Variants in OPTN observed in about 807,000 individuals in gnomAD.
The protein encoded by OPTN is optineurin, also known as E3-14.7K-interacting protein.
Under a neutral mutation model 70.4 loss-of-function variants are expected in OPTN, and 54 were observed. The ratio of observed to expected loss-of-function variants is 0.77; its 90% CI spans 0.62 to 0.96. The LOEUF (loss-of-function observed/expected upper bound fraction) is 0.96, where lower values mean the gene tolerates loss of function less well. Ranked by LOEUF, OPTN falls within the 40% of genes least tolerant of loss-of-function variation. The pLI, the probability that OPTN is intolerant of heterozygous loss-of-function variation, is 0.00. For synonymous variants in OPTN, 256 were observed against 248.5 expected, an observed-to-expected ratio of 1.03 and a Z score of -0.28; for missense variants, 624 against 673.2, an observed-to-expected ratio of 0.93 and a Z score of 0.81.
At chr10:13,106,860 G>A (rs1588431460) in intron 1 of OPTN, among the ~76,000 whole-genome samples, 1 of 152,162 alleles carries the variant, frequency 6.6e-6, no homozygotes. Context: ...CTGATATCAT[G>A]TGTAATGGAT....
intron 5 of OPTN, among the ~76,000 whole-genome samples, chr10:13,115,029 T>TA (rs1564359193): frequency 1.8e-3 from 50 of 27,688 alleles, no homozygotes; most frequent in African/African-American, 5.0e-3. Flanking sequence ...ATATCTATAT[T>TA]TATATATTTT....
At chr10:13,125,763 G>A (rs1247981491) in intron 10 of OPTN, among the ~76,000 whole-genome samples, 183 bp from the exon 11 acceptor site, 1 of 152,136 alleles carries the variant, frequency 6.6e-6, no homozygotes, top group Admixed American at 6.5e-5. Flanking sequence ...CTGATTGTTT[G>A]CACTCTGTCT....
chr10:13,123,930 TA>T, intron 8 of OPTN, 64 bp from the exon 9 acceptor site: 3 of 1,209,022 alleles, frequency 2.5e-6, no homozygotes, highest in Middle Eastern at 1.9e-4. Context: ...TGTTTTCTCC[TA>T]AAGAGGTTTG....
intron 1 of OPTN, among the ~76,000 whole-genome samples, chr10:13,106,524 A>G (rs997049693): frequency 1.3e-4 from 20 of 152,210 alleles, no homozygotes; most frequent in African/African-American, 4.8e-4. Context: ...GATTGCCATC[A>G]CCCTCATTAC....
chr10:13,112,658 G>A, intron 5 of OPTN, 23 bp downstream of exon 5: 2 of 1,612,232 alleles, frequency 1.2e-6, no homozygotes, highest in Non-Finnish European at 1.7e-6. Context: ...TTTTATTTTT[G>A]TTTTGAGCAA....
chr10:13,101,448 T>C, intron 1 of OPTN, among the ~76,000 whole-genome samples: 1 of 112,576 alleles, frequency 8.9e-6, no homozygotes, highest in Non-Finnish European at 1.6e-5. Flanking sequence ...CGAGGGCAAC[T>C]GGACACTGTA....
intron 7 of OPTN, among the ~76,000 whole-genome samples, chr10:13,121,979 G>A (rs576256238): frequency 4.8e-4 from 73 of 152,138 alleles, no homozygotes; most frequent in African/African-American, 1.6e-3. Flanking sequence ...TCGTTTATTC[G>A]GTGACTTTTA....
chr10:13,127,565 C>A (rs547477795), intron 11 of OPTN, among the ~76,000 whole-genome samples, 180 bp from the exon 12 acceptor site: 10 of 152,116 alleles, frequency 6.6e-5, no homozygotes, highest in African/African-American at 2.4e-4. Flanking sequence ...CTATGTTGCC[C>A]AGGCTTGTCT....
chr10:13,125,444 C>T lies in OPTN; in HGVS notation c.1025C>T (p.Ser342Phe). The change falls in exon 10 of 15, where the codon TCT becomes TTT. Residue 342 changes from serine (S) to phenylalanine (F), a missense_variant. Coordinates refer to ENST00000378747, the MANE Select transcript of OPTN (RefSeq NM_001008212.2). ...EKCQALERKN[S>F]AIPSELNEKQ... ...TGTCAGGCCCTTGAAAGGAAAAATT[C>T]TGCAATTCCATCAGAGTTGAATGAA... 1 of 1,614,090 alleles carries T rather than the reference C, an allele frequency of 6.2e-7. No homozygotes were observed.
At chr10:13,132,026 C>T in intron 12 of OPTN, 41 bp from the exon 13 acceptor site, 4 of 1,598,492 alleles carry the variant, frequency 2.5e-6, no homozygotes, top group South Asian at 1.1e-5. Context: ...AATCTGCATT[C>T]ATCTAGGTAC....
rs1254710912 is a variant in OPTN, at chr10:13,117,324, C to T, written c.626+984C>T. Among the ~76,000 whole-genome samples, 3 of 151,918 alleles carry T rather than the reference C, an allele frequency of 2.0e-5. No homozygotes were observed. The East Asian group carries it at 5.8e-4, about 29-fold the overall frequency. ...CTCGATCTCCTGACCTCGTGATCTGCCCGCCTTGGCCTCCCAAAGCGCTGG... is the reference window on the plus strand; with the variant it reads ...CTCGATCTCCTGACCTCGTGATCTGTCCGCCTTGGCCTCCCAAAGCGCTGG... On this transcript the variant is annotated intron_variant, in intron 6 of 14. Coordinates refer to ENST00000378747, the MANE Select transcript of OPTN (RefSeq NM_001008212.2).
At chr10:13,106,607 G>C (rs1032615018) in intron 1 of OPTN, among the ~76,000 whole-genome samples, 1 of 152,180 alleles carries the variant, frequency 6.6e-6, no homozygotes, top group South Asian at 2.1e-4. Flanking sequence ...ACTGTCACAG[G>C]GTGTGGTAGG....
At chr10:13,131,989 ACCT>A in intron 12 of OPTN, 75 bp from the exon 13 acceptor site, 1 of 1,436,708 alleles carries the variant, frequency 7.0e-7, no homozygotes, top group Non-Finnish European at 9.7e-7. Context: ...ATACAGCACT[ACCT>A]CCTCATCGCA....
At chr10:13,131,977 G>T in intron 12 of OPTN, 90 bp from the exon 13 acceptor site, 1 of 1,323,490 alleles carries the variant, frequency 7.6e-7, no homozygotes, top group East Asian at 2.4e-5. Flanking sequence ...GGCTATTGAA[G>T]GATACAGCAC....
At chr10:13,102,977 G>T (rs1353092243) in intron 1 of OPTN, among the ~76,000 whole-genome samples, 1 of 151,778 alleles carries the variant, frequency 6.6e-6, no homozygotes, top group African/African-American at 2.4e-5. Flanking sequence ...AAATATTTAG[G>T]AGGTAGAGGT....
chr10:13,110,341 A>C lies in OPTN; in HGVS notation c.234A>C (p.Lys78Asn). Residue 78 changes from lysine (K) to asparagine (N), a missense_variant, in exon 4 of 15, where the codon AAA becomes AAC. Lys to Asn is a moderately conservative substitution (Grantham distance 94). Coordinates refer to ENST00000378747, the MANE Select transcript of OPTN (RefSeq NM_001008212.2). Reference sequence around the variant, plus strand: ...AGGAGCTTTCGGCCTGGACAGAGAAACAGAAGGAAGAACGCCAGTTTTTTG... The same window carrying C: ...AGGAGCTTTCGGCCTGGACAGAGAACCAGAAGGAAGAACGCCAGTTTTTTG... ...RFEELSAWTEKQKEERQFFEI... is the reference protein window; with the variant it reads ...RFEELSAWTENQKEERQFFEI... 6.2e-7 allele frequency: 1 copy of C among 1,614,164 alleles called. No individual in the cohort carries two copies. Among genetic ancestry groups the C allele is most frequent in the South Asian group, 1.1e-5 (1 of 91,072 alleles).
chr10:13,111,370 T>G, intron 4 of OPTN, among the ~76,000 whole-genome samples: 1 of 152,210 alleles, frequency 6.6e-6, no homozygotes, highest in East Asian at 1.9e-4. Flanking sequence ...TACAATAAAA[T>G]AATGTAAAAA....
In OPTN at chr10:13,124,059, C is replaced by T. The variant is rs1389811588; in HGVS notation, c.947C>T (p.Ala316Val). The T allele has an allele frequency of 6.2e-7, 1 of 1,613,874 alleles. No individual in the cohort carries two copies. Among genetic ancestry groups the T allele is most frequent in the Non-Finnish European group, 8.5e-7 (1 of 1,179,834 alleles). ...VTSLFKELQE[A>V]HTKLSEAELM... ...TCTCTGTTTAAGGAGCTTCAAGAGG[C>T]TCATACAAAACTCAGCGAAGCTGAG... The change falls in exon 9 of 15, where the codon GCT (alanine) becomes GTT (valine). Residue 316 changes from alanine (A) to valine (V), a missense_variant. By Grantham distance (64) the Ala-to-Val change is moderately conservative. Coordinates refer to ENST00000378747, the MANE Select transcript of OPTN (RefSeq NM_001008212.2).
At chr10:13,117,433 G>C (rs1833241507) in intron 6 of OPTN, among the ~76,000 whole-genome samples, 2 of 35,708 alleles carry the variant, frequency 5.6e-5, no homozygotes, top group African/African-American at 1.6e-4. Context: ...TTTTTTTTGA[G>C]ATGGAGTTTT....
Sources: gnomAD v4.1 joint callset for allele counts (sites outside exome capture counted in the v4.1 genomes callset) on GRCh38, gnomAD v4.1.1 for gene constraint, MANE v1.5 for transcripts, NCBI Gene and HGNC (gene_info 2026-07-23, HGNC 2026-07-21) for gene names.